The following PPP5C variants were observed in gnomAD, a reference collection of about 807,000 sequenced individuals.
PPP5C encodes protein phosphatase 5 catalytic subunit.
In PPP5C, 21 loss-of-function variants were observed where a neutral mutation model predicts 66.7. The ratio of observed to expected loss-of-function variants is 0.31; its 90% CI spans 0.22 to 0.45. The LOEUF is 0.45. Among genes scored for constraint, PPP5C ranks in the 20% least tolerant of loss-of-function variants. PPP5C has a pLI of 1.00. For missense variants in PPP5C, 464 were observed against 675.9 expected, an observed-to-expected ratio of 0.69 and a Z score of 3.48; for synonymous variants, 246 against 257.4, an observed-to-expected ratio of 0.96 and a Z score of 0.43.
intron 2 of PPP5C, among the ~76,000 whole-genome samples, chr19:46,373,208 C>CGAGA (rs1228741957): frequency 6.6e-6 from 1 of 152,206 alleles, no homozygotes; most frequent in East Asian, 1.9e-4. Context: ...GCCCCAGGGA[C>CGAGA]GAGAGGCCCA....
chr19:46,347,954 C>CAA (rs942995426), intron 1 of PPP5C, among the ~76,000 whole-genome samples: 19 of 139,372 alleles, frequency 1.4e-4, no homozygotes, highest in African/African-American at 4.4e-4. Context: ...AAAAAAAAAA[C>CAA]AAAAAAAAAC....
intron 2 of PPP5C, among the ~76,000 whole-genome samples, chr19:46,358,268 A>C (rs1972321808): frequency 6.6e-6 from 1 of 151,964 alleles, no homozygotes; most frequent in African/African-American, 2.4e-5. Context: ...TGTTACTAGA[A>C]CTCCATTAGG....
At chr19:46,366,951 G>A (rs1482877821) in intron 2 of PPP5C, among the ~76,000 whole-genome samples, 4 of 152,182 alleles carry the variant, frequency 2.6e-5, no homozygotes, top group Non-Finnish European at 5.9e-5. Flanking sequence ...CACCCTTTTC[G>A]AAGGGACATT....
chr19:46,362,797 AT>A (rs1325316114), intron 2 of PPP5C, among the ~76,000 whole-genome samples: 1 of 150,630 alleles, frequency 6.6e-6, no homozygotes, highest in African/African-American at 2.4e-5. Flanking sequence ...TTTTATTTTT[AT>A]TTTTTTTGAG....
Position 46,390,143 on chromosome 19 carries a change from C to G in PPP5C, c.1437+11C>G, listed in dbSNP as rs1318296982. 6.2e-7 allele frequency: 1 copy of G among 1,612,896 alleles called. No individual in the cohort carries two copies. The highest frequency in any genetic ancestry group is 8.5e-7 in the Non-Finnish European group (1 of 1,179,100). On this transcript the variant is annotated intron_variant, in intron 12 of 12. Coordinates refer to ENST00000012443, the MANE Select transcript of PPP5C (RefSeq NM_006247.4). Reference sequence around the variant, plus strand: ...CAGTTCACAGCAGTGGTGAGTCACCCCTCAGGGCCCCTGCCCCTTCCATCC... The same window carrying G: ...CAGTTCACAGCAGTGGTGAGTCACCGCTCAGGGCCCCTGCCCCTTCCATCC...
Position 46,390,383 on chromosome 19 carries a change from C to T in PPP5C, c.*37C>T, listed in dbSNP as rs368069081. On this transcript the variant is annotated 3_prime_UTR_variant, in exon 13 of 13. Transcript: ENST00000012443. ...GGGCGGCCTGCATCCCAGGGCCCCT[C>T]CAATCCCACCGGACCCAGGCCCTGG... 39 of 1,553,992 alleles carry T rather than the reference C, an allele frequency of 2.5e-5. No individual in the cohort carries two copies. Among genetic ancestry groups the T allele is most frequent in the East Asian group, 4.9e-5 (2 of 41,154 alleles).
At chr19:46,363,303 A>G (rs112221992) in intron 2 of PPP5C, among the ~76,000 whole-genome samples, 16,382 of 35,844 alleles carry the variant, frequency 0.46, 3,359 homozygotes, top group South Asian at 0.62. Context: ...GCGAGACTCC[A>G]TCTCAAAAAA....
chr19:46,389,958 C>T (rs1972983997), intron 11 of PPP5C, 93 bp from the exon 12 acceptor site: 10 of 1,145,178 alleles, frequency 8.7e-6, no homozygotes, highest in Non-Finnish European at 1.3e-5. Context: ...CCTCCCTCTC[C>T]CTCTGTCCCT....
chr19:46,347,697 C>T (rs1048833223), intron 1 of PPP5C, among the ~76,000 whole-genome samples: 2 of 151,220 alleles, frequency 1.3e-5, no homozygotes, highest in African/African-American at 2.4e-5. Context: ...GAGATTTGGG[C>T]TGACCCGAGG....
rs551664279 is a variant in PPP5C, at chr19:46,348,184, A to G, written c.121+967A>G. On this transcript the variant is annotated intron_variant, in intron 1 of 12. Transcript: ENST00000012443. ...CTGTGCAAAGGCCCTGGGATGGGGAATGAAAGGGTACTGGCATGGCTGGGG... is the reference window on the plus strand; with the variant it reads ...CTGTGCAAAGGCCCTGGGATGGGGAGTGAAAGGGTACTGGCATGGCTGGGG... Among the ~76,000 whole-genome samples, 10 of 152,170 alleles carry G rather than the reference A, an allele frequency of 6.6e-5. No homozygotes were observed. The South Asian group carries it at 1.5e-3, about 22-fold the overall frequency.
At chr19:46,362,448 T>C (rs1972408183) in intron 2 of PPP5C, among the ~76,000 whole-genome samples, 1 of 152,208 alleles carries the variant, frequency 6.6e-6, no homozygotes, top group Admixed American at 6.5e-5. Context: ...CAATGAATAT[T>C]TGTCATTAAT....
chr19:46,388,885 C>T lies in PPP5C; in HGVS notation c.1355+154C>T, dbSNP rs1280280918. On this transcript the variant is annotated intron_variant, in intron 11 of 12. Coordinates refer to ENST00000012443, the MANE Select transcript of PPP5C (RefSeq NM_006247.4). The surrounding 1 kb of genome is among the most constrained non-coding windows in gnomAD (Gnocchi z 4.9). The stretch of plus-strand genomic sequence containing the variant: ...CCCCCGTATGTGTCACCCACCCATG[C>T]AGCACCAGTGGGGCCAGCCTGTGAG... Among the ~76,000 whole-genome samples the T allele has an allele frequency of 1.3e-5, 2 of 152,188 alleles. No individual in the cohort carries two copies. The highest frequency in any genetic ancestry group is 1.9e-4 in the East Asian group (1 of 5,182).
intron 1 of PPP5C, among the ~76,000 whole-genome samples, chr19:46,351,379 C>G (rs775659883): frequency 5.3e-5 from 8 of 152,194 alleles, no homozygotes; most frequent in Non-Finnish European, 7.3e-5. Context: ...TCCTCTTGTT[C>G]CCTTCACTTC....
chr19:46,389,099 G>A (rs569647827), intron 11 of PPP5C, among the ~76,000 whole-genome samples: 6 of 152,178 alleles, frequency 3.9e-5, no homozygotes, highest in South Asian at 2.1e-4. Context: ...CGAGGTGGGC[G>A]GATCACCTGA....
At chr19:46,372,371 T>TTTG (rs374299722) in intron 2 of PPP5C, among the ~76,000 whole-genome samples, 1 of 150,378 alleles carries the variant, frequency 6.6e-6, no homozygotes, top group African/African-American at 2.5e-5. Context: ...TGGCTAGCTT[T>TTTG]TTGTTGTTGT....
chr19:46,383,715 ACCT>A lies in PPP5C; in HGVS notation c.700-63_700-61del. 27 of 1,327,956 alleles carry A rather than the reference ACCT, an allele frequency of 2.0e-5. No individual in the cohort carries two copies. Among genetic ancestry groups the A allele is most frequent in the Non-Finnish European group, 2.8e-5 (26 of 928,696 alleles). 82.3% of individuals were successfully genotyped at this position (1,327,956 alleles called of 1,614,324 possible). ...ACTGTGAACTCTTACCCTTCCCCTC[ACCT>A]CTGCCCCCTCCCCACGTCTCTCTCT... is the stretch of plus-strand genomic sequence containing the variant. On this transcript the variant is annotated intron_variant, in intron 5 of 12. Coordinates refer to ENST00000012443, the MANE Select transcript of PPP5C (RefSeq NM_006247.4). This position sits in a 1 kb window ranked among gnomAD's most constrained non-coding sequence, Gnocchi z 5.0.
intron 2 of PPP5C, among the ~76,000 whole-genome samples, chr19:46,357,110 A>C (rs1228407095): frequency 1.3e-5 from 2 of 152,134 alleles, no homozygotes. Flanking sequence ...GCAGTGGCAC[A>C]AATCTTGGCT....
At chr19:46,358,663 C>T (rs532965063) in intron 2 of PPP5C, among the ~76,000 whole-genome samples, 4 of 152,212 alleles carry the variant, frequency 2.6e-5, no homozygotes, top group Middle Eastern at 3.4e-3. Context: ...CAGGTTATCT[C>T]GGGAAGTGCT....
chr19:46,349,300 A>AG (rs1459508021), intron 1 of PPP5C, among the ~76,000 whole-genome samples: 1 of 152,034 alleles, frequency 6.6e-6, no homozygotes. Context: ...GAAAAAAAAA[A>AG]AGAGAGAAGA....
Sources: allele counts gnomAD v4.1 joint callset (sites outside exome capture counted in the v4.1 genomes callset), GRCh38; gene constraint gnomAD v4.1.1; non-coding constraint Gnocchi (gnomAD v3.1); transcripts MANE v1.5; gene names NCBI Gene and HGNC (gene_info 2026-07-23, HGNC 2026-07-21).